CHIC2: variants seen among roughly 807,000 people sequenced by gnomAD.
CHIC2 encodes cysteine-rich hydrophobic domain-containing protein 2.
A neutral mutation model predicts 25.9 loss-of-function variants in CHIC2; 14 were observed. The ratio of observed to expected loss-of-function variants is 0.54; its 90% CI spans 0.36 to 0.85. CHIC2 has a LOEUF of 0.85. Among genes scored for constraint, CHIC2 ranks in the 40% least tolerant of loss-of-function variants. The pLI is 0.01. For missense variants in CHIC2, 146 were observed against 202.0 expected, an observed-to-expected ratio of 0.72 and a Z score of 1.68; for synonymous variants, 70 against 72.0, an observed-to-expected ratio of 0.97 and a Z score of 0.14.
At chr4:54,077,837 T>C in the CHIC2 span, among the ~76,000 whole-genome samples, 5 of 152,216 alleles carry the variant, frequency 3.3e-5, no homozygotes, top group Non-Finnish European at 5.9e-5. Flanking sequence ...GGCGTATCAC[T>C]TGAGCAGGTG....
the CHIC2 span, among the ~76,000 whole-genome samples, chr4:54,084,473 G>T: frequency 6.7e-6 from 1 of 148,808 alleles, no homozygotes; most frequent in African/African-American, 2.5e-5. Flanking sequence ...TAACTAACTT[G>T]TCTGATCTCA....
chr4:54,036,330 T>C (rs1716382591), intron 3 of CHIC2, among the ~76,000 whole-genome samples: 2 of 152,162 alleles, frequency 1.3e-5, no homozygotes, highest in Admixed American at 1.3e-4. Flanking sequence ...ACTAGATAAT[T>C]TATAATGAAG....
chr4:54,012,271 T>A (rs531073012), intron 5 of CHIC2, among the ~76,000 whole-genome samples: 70 of 152,196 alleles, frequency 4.6e-4, no homozygotes, highest in African/African-American at 1.6e-3. Context: ...GAAATATTTA[T>A]TTTATCTTTA....
At chr4:54,040,786 G>C (rs1245812843) in intron 3 of CHIC2, among the ~76,000 whole-genome samples, 1 of 150,466 alleles carries the variant, frequency 6.6e-6, no homozygotes, top group Non-Finnish European at 1.5e-5. Context: ...GCTGAGGCAG[G>C]AGAATTGCTT....
At chr4:54,019,244 C>CA (rs56253104) in intron 3 of CHIC2, among the ~76,000 whole-genome samples, 41,087 of 150,226 alleles carry the variant, frequency 0.27, 6,370 homozygotes, top group Middle Eastern at 0.4. Context: ...CACCAAAAAA[C>CA]AAAAAAAAAC....
intron 3 of CHIC2, among the ~76,000 whole-genome samples, chr4:54,030,300 T>C (rs769232910): frequency 2.6e-5 from 4 of 152,020 alleles, no homozygotes; most frequent in Non-Finnish European, 5.9e-5. Flanking sequence ...GGAGGATTGC[T>C]TGAACCCAGG....
In CHIC2 at chr4:54,064,043, C is replaced by T. The variant is rs1000959126; in HGVS notation, c.119+139G>A. ...GGAGACCCAAACAAATGAAAATAAGCCAAGTTCTCACTTCCTGGTTGCCTA... is the reference window on the plus strand; with the variant it reads ...GGAGACCCAAACAAATGAAAATAAGTCAAGTTCTCACTTCCTGGTTGCCTA... On this transcript the variant is annotated intron_variant, in intron 1 of 5. Transcript: ENST00000263921. The surrounding 1 kb of genome is among the most constrained non-coding windows in gnomAD (Gnocchi z 4.2). The T allele has an allele frequency of 7.2e-6, 5 of 691,272 alleles. No homozygotes were observed. Among genetic ancestry groups the T allele is most frequent in the Non-Finnish European group, 7.4e-6 (3 of 407,496 alleles). 42.8% of individuals were successfully genotyped at this position (691,272 alleles called of 1,614,324 possible). A position where few individuals can be genotyped will look rare whatever the true frequency, so the allele number is the denominator to read the frequency against.
intron 5 of CHIC2, among the ~76,000 whole-genome samples, chr4:54,011,288 A>G (rs1577959523): frequency 6.6e-6 from 1 of 152,082 alleles, no homozygotes; most frequent in Non-Finnish European, 1.5e-5. Flanking sequence ...TGGCTCAAAA[A>G]TATTCCTGTC....
intron 3 of CHIC2, among the ~76,000 whole-genome samples, chr4:54,042,241 A>C (rs1716600518): frequency 6.6e-6 from 1 of 152,186 alleles, no homozygotes; most frequent in Non-Finnish European, 1.5e-5. Flanking sequence ...GCATCAAATA[A>C]ATATTCCATC....
At chr4:54,059,347 G>C (rs1450154093) in intron 1 of CHIC2, among the ~76,000 whole-genome samples, 2 of 152,004 alleles carry the variant, frequency 1.3e-5, no homozygotes, top group African/African-American at 4.8e-5. Context: ...GCAATACAGT[G>C]AAGCCCCATC....
At chr4:54,010,226 T>G (rs1212020985) in intron 5 of CHIC2, 81 bp from the exon 6 acceptor site, 2 of 991,828 alleles carry the variant, frequency 2.0e-6, no homozygotes, top group Non-Finnish European at 3.1e-6. Flanking sequence ...TTTCACAATT[T>G]TTTTGAAAAT....
intron 1 of CHIC2, among the ~76,000 whole-genome samples, chr4:54,053,469 T>C (rs577136738): frequency 6.6e-6 from 1 of 150,928 alleles, no homozygotes; most frequent in Non-Finnish European, 1.5e-5. Context: ...GGTAGGAGAA[T>C]TGCTGGAACC....
At chr4:54,090,833 T>C in the CHIC2 span, among the ~76,000 whole-genome samples, 28 of 152,130 alleles carry the variant, frequency 1.8e-4, no homozygotes, top group Non-Finnish European at 4.0e-4. Context: ...CTGATTTCAA[T>C]GCATCGTCTT....
intron 1 of CHIC2, among the ~76,000 whole-genome samples, chr4:54,050,110 A>C (rs143622215): frequency 2.1e-3 from 326 of 152,288 alleles, no homozygotes; most frequent in African/African-American, 7.5e-3. Context: ...CATTCAAATC[A>C]CAACTACTGA....
the CHIC2 span, among the ~76,000 whole-genome samples, chr4:54,081,947 G>A: frequency 1.3e-5 from 2 of 152,164 alleles, no homozygotes; most frequent in African/African-American, 2.4e-5. Flanking sequence ...AGATGATAGA[G>A]GTGGAGAAAG....
chr4:54,066,817 G>A (rs149760871), upstream of CHIC2, among the ~76,000 whole-genome samples: 618 of 152,192 alleles, frequency 4.1e-3, 1 homozygote, highest in Non-Finnish European at 6.1e-3. Flanking sequence ...GCTGCAAATG[G>A]GAAGATAAGA....
At chr4:54,019,244 CA>C (rs56253104) in intron 3 of CHIC2, among the ~76,000 whole-genome samples, 2 of 150,188 alleles carry the variant, frequency 1.3e-5, no homozygotes, top group African/African-American at 2.4e-5. Flanking sequence ...CACCAAAAAA[CA>C]AAAAAAAACT....
intron 1 of CHIC2, among the ~76,000 whole-genome samples, chr4:54,051,410 T>G (rs1717003345): frequency 6.6e-6 from 1 of 152,162 alleles, no homozygotes; most frequent in African/African-American, 2.4e-5. Context: ...ATCTTATTTC[T>G]AATCTCATGA....
chr4:54,038,403 T>C (rs1716457568), intron 3 of CHIC2, among the ~76,000 whole-genome samples: 1 of 152,114 alleles, frequency 6.6e-6, no homozygotes, highest in Non-Finnish European at 1.5e-5. Context: ...TACTTATGTA[T>C]AAAGCTAATA....
Sources: gnomAD v4.1 joint callset for allele counts (sites outside exome capture counted in the v4.1 genomes callset) on GRCh38, gnomAD v4.1.1 for gene constraint, Gnocchi (gnomAD v3.1) non-coding constraint, MANE v1.5 for transcripts, NCBI Gene and HGNC (gene_info 2026-07-23, HGNC 2026-07-21) for gene names.